JAKMIP3: variants seen among roughly 807,000 people sequenced by gnomAD.
JAKMIP3 encodes janus kinase and microtubule-interacting protein 3.
Under a neutral mutation model 118.5 loss-of-function variants are expected in JAKMIP3, and 58 were observed. The ratio of observed to expected loss-of-function variants is 0.49; its 90% CI spans 0.40 to 0.61. The LOEUF (loss-of-function observed/expected upper bound fraction) is 0.61, where lower values mean the gene tolerates loss of function less well. Among genes scored for constraint, JAKMIP3 ranks in the 20% least tolerant of loss-of-function variants. The pLI, the probability that JAKMIP3 is intolerant of heterozygous loss-of-function variation, is 0.00. For missense variants in JAKMIP3, 950 were observed against 1,109.0 expected, an observed-to-expected ratio of 0.86 and a Z score of 2.04; for synonymous variants, 486 against 451.2, an observed-to-expected ratio of 1.08 and a Z score of -0.98.
intron 1 of JAKMIP3, among the ~76,000 whole-genome samples, chr10:132,050,236 T>C (rs566950908): frequency 3.3e-5 from 5 of 152,348 alleles, no homozygotes; most frequent in African/African-American, 9.6e-5. Flanking sequence ...GCCCATTTCC[T>C]GGCCCTCAGA....
Position 132,102,504 on chromosome 10 carries a change from G to A in JAKMIP3, c.-137-2168G>A, listed in dbSNP as rs886116074. ...CACGTGCAGAGCTGACATCCACCCT[G>A]CCGGGCCCTTCTCCCCATCCAGGTG... On this transcript the variant is annotated intron_variant, in intron 1 of 23. Transcript: ENST00000684848. Among the ~76,000 whole-genome samples, 97 of 152,286 alleles carry A rather than the reference G, an allele frequency of 6.4e-4. 1 individual carries two copies. Among genetic ancestry groups the A allele is most frequent in the African/African-American group, 2.3e-3 (94 of 41,570 alleles).
intron 6 of JAKMIP3, 100 bp from the exon 7 acceptor site, chr10:132,136,919 G>A: frequency 7.5e-7 from 1 of 1,341,720 alleles, no homozygotes; most frequent in Non-Finnish European, 1.0e-6. Flanking sequence ...AGCTGAGAGT[G>A]GCAGCCCGGG....
intron 1 of JAKMIP3, among the ~76,000 whole-genome samples, chr10:132,095,786 G>A (rs953262679): frequency 7.2e-5 from 11 of 152,240 alleles, no homozygotes; most frequent in African/African-American, 2.7e-4. Context: ...CCTGATAGGT[G>A]TTTTTGAGCT....
chr10:132,037,584 G>A (rs1299187331), intron 1 of JAKMIP3, among the ~76,000 whole-genome samples: 2 of 152,164 alleles, frequency 1.3e-5, no homozygotes, highest in African/African-American at 4.8e-5. Context: ...AAACGCAGGG[G>A]TCAAAAGACC....
intron 3 of JAKMIP3, among the ~76,000 whole-genome samples, chr10:132,122,455 G>T (rs1341200226): frequency 1.3e-5 from 2 of 152,282 alleles, no homozygotes; most frequent in African/African-American, 4.8e-5. Flanking sequence ...ACCTCAGTTA[G>T]CCCTGGATGG....
rs186404476 is a variant in JAKMIP3 at position 132,053,125 on chromosome 10, G to T, written c.-138+16387G>T. Among the ~76,000 whole-genome samples, 518 of 152,288 alleles carry T rather than the reference G, an allele frequency of 3.4e-3. 1 individual carries two copies. The highest frequency in any genetic ancestry group is 0.012 in the African/African-American group (506 of 41,554). On this transcript the variant is annotated intron_variant, in intron 1 of 23. Transcript: ENST00000657785. The stretch of plus-strand genomic sequence containing the variant: ...CCCAGAGAGGGTCACAGTTGCTCCT[G>T]CCAGGCAGCTGGAGGCTCTCCAGTT...
chr10:132,111,744 G>A (rs995898645), intron 2 of JAKMIP3, among the ~76,000 whole-genome samples: 3 of 152,140 alleles, frequency 2.0e-5, no homozygotes, highest in Non-Finnish European at 4.4e-5. Flanking sequence ...AGCTGGACAT[G>A]ACCTGACTTC....
chr10:132,179,485 T>A lies in JAKMIP3; in HGVS notation c.*1104-2872T>A, dbSNP rs1258039335. Among the ~76,000 whole-genome samples the A allele has an allele frequency of 6.6e-6, 1 of 152,166 alleles. No individual in the cohort carries two copies. The highest frequency in any genetic ancestry group is 2.4e-5 in the African/African-American group (1 of 41,426). On this transcript the variant is annotated intron_variant, in intron 23 of 23. Transcript: ENST00000684848. The surrounding 1 kb of genome is among the most constrained non-coding windows in gnomAD (Gnocchi z 4.3). ...TATCTGGGTTTCTCCCGCGGAACCC[T>A]TACTGTGGCACTGATACACTCACAT...
chr10:132,082,259 G>C (rs1490626345), intron 1 of JAKMIP3, among the ~76,000 whole-genome samples: 1 of 151,638 alleles, frequency 6.6e-6, no homozygotes, highest in African/African-American at 2.4e-5. Context: ...GGTTATTGGG[G>C]AACAGGTGGT....
chr10:132,070,643 G>A (rs773792214), intron 1 of JAKMIP3, among the ~76,000 whole-genome samples: 7 of 152,152 alleles, frequency 4.6e-5, no homozygotes, highest in Non-Finnish European at 8.8e-5. Flanking sequence ...TCCAGCTTCC[G>A]AAACAGACCT....
rs756864464 is a variant in JAKMIP3 at position 132,125,100 on chromosome 10, C to T, written c.633+7526C>T. ...GGCATTTTAAGGAAGCCCGATTTGT[C>T]GGTTTCTTTTGTGTGCTGTGTGTGT... On this transcript the variant is annotated intron_variant, in intron 3 of 23. Transcript: ENST00000684848. Among the ~76,000 whole-genome samples the T allele has an allele frequency of 4.6e-5, 7 of 152,230 alleles. 1 individual carries two copies. The highest frequency in any genetic ancestry group is 6.5e-5 in the Admixed American group (1 of 15,282).
intron 2 of JAKMIP3, among the ~76,000 whole-genome samples, chr10:132,107,763 G>A (rs935216768): frequency 6.6e-5 from 10 of 152,320 alleles, no homozygotes; most frequent in South Asian, 4.1e-4. Context: ...ATGCCCCACC[G>A]TGGTGGGCCT....
At position 132,179,040 on chromosome 10, in the gene JAKMIP3, C is replaced by G. The variant is rs930786499; in HGVS notation, c.*1104-3317C>G. Among the ~76,000 whole-genome samples, 1 of 152,228 alleles carries G rather than the reference C, an allele frequency of 6.6e-6. No homozygotes were observed. The highest frequency in any genetic ancestry group is 1.5e-5 in the Non-Finnish European group (1 of 68,028). ...GTGCCCGTGGGGCTGGGGGCCCCGACCTGTGGAAACACCCTGTGTCAGCCC... is the reference window on the plus strand; with the variant it reads ...GTGCCCGTGGGGCTGGGGGCCCCGAGCTGTGGAAACACCCTGTGTCAGCCC... On this transcript the variant is annotated intron_variant, in intron 23 of 23. Coordinates refer to ENST00000684848, the MANE Select transcript of JAKMIP3 (RefSeq NM_001323087.2). The surrounding 1 kb of genome is among the most constrained non-coding windows in gnomAD (Gnocchi z 4.3).
chr10:132,133,231 TG>T, intron 3 of JAKMIP3, 80 bp from the exon 4 acceptor site: 2 of 1,224,812 alleles, frequency 1.6e-6, no homozygotes, highest in Non-Finnish European at 2.3e-6. Context: ...GCCCAGAGCC[TG>T]GCAGGGCTGC....
chr10:132,141,520 G>A lies in JAKMIP3; in HGVS notation c.1474-400G>A, dbSNP rs76767660. The stretch of plus-strand genomic sequence containing the variant: ...AAGCCCAGCTTTCTTCCCAGGACGT[G>A]TTTCAGCAGAGCAGAGCGTGTGCAG... On this transcript the variant is annotated intron_variant, in intron 10 of 23. Transcript: ENST00000684848. Among the ~76,000 whole-genome samples the A allele has an allele frequency of 5.9e-3, 905 of 152,286 alleles. 5 individuals carry two copies. The highest frequency in any genetic ancestry group is 0.021 in the African/African-American group (865 of 41,558).
chr10:132,065,506 C>T (rs574230707), upstream of JAKMIP3, among the ~76,000 whole-genome samples: 1 of 152,146 alleles, frequency 6.6e-6, no homozygotes, highest in South Asian at 2.1e-4. The surrounding 1 kb of genome is among the most constrained non-coding windows in gnomAD (Gnocchi z 5.6). Context: ...GAAAGCCGGC[C>T]AGAACGCGGT....
intron 22 of JAKMIP3, among the ~76,000 whole-genome samples, 190 bp from the exon 23 acceptor site, chr10:132,167,763 G>A (rs1201323555): frequency 6.6e-6 from 1 of 151,672 alleles, no homozygotes; most frequent in Non-Finnish European, 1.5e-5. Flanking sequence ...CTCCAGCCAA[G>A]TGGAGTCTCC....
upstream of JAKMIP3, among the ~76,000 whole-genome samples, chr10:132,061,977 C>T (rs9419334): frequency 0.26 from 38,801 of 152,040 alleles, 5,081 homozygotes; most frequent in East Asian, 0.31. Flanking sequence ...TCACCAACAC[C>T]GGACTCCTAT....
chr10:132,180,915 CTGTA>C (rs1385374159), intron 23 of JAKMIP3, among the ~76,000 whole-genome samples: 1 of 151,760 alleles, frequency 6.6e-6, no homozygotes, highest in Non-Finnish European at 1.5e-5. Flanking sequence ...TTGCATGTGC[CTGTA>C]TGTGTATTTT....
Sources: allele counts gnomAD v4.1 joint callset (sites outside exome capture counted in the v4.1 genomes callset), GRCh38; gene constraint gnomAD v4.1.1; non-coding constraint Gnocchi (gnomAD v3.1); transcripts MANE v1.5; gene names NCBI Gene and HGNC (gene_info 2026-07-23, HGNC 2026-07-21).